TNNI3K: variants seen among roughly 807,000 people sequenced by gnomAD.
TNNI3K encodes TNNI3 interacting kinase.
A neutral mutation model predicts 114.5 loss-of-function variants in TNNI3K; 140 were observed. The ratio of observed to expected loss-of-function variants is 1.22; its 90% CI spans 1.07 to 1.41. The LOEUF (loss-of-function observed/expected upper bound fraction) is 1.41. Among genes scored for constraint, TNNI3K ranks in the 40% most tolerant of loss-of-function variants. TNNI3K has a pLI of 0.00. For missense variants in TNNI3K, 1,125 were observed against 1,007.6 expected, an observed-to-expected ratio of 1.12 and a Z score of -1.58; for synonymous variants, 347 against 347.5, an observed-to-expected ratio of 1.00 and a Z score of 0.02.
In TNNI3K at chr1:74,391,957, A is replaced by ATTTTTTTTTTTTTTTTTT. The variant is rs34656417; in HGVS notation, c.1772+21574_1772+21591dup. 3.7e-4 allele frequency among the ~76,000 whole-genome samples: 34 copies of ATTTTTTTTTTTTTTTTTT among 93,028 alleles called. 4 individuals are homozygous for ATTTTTTTTTTTTTTTTTT. Among genetic ancestry groups the ATTTTTTTTTTTTTTTTTT allele is most frequent in the African/African-American group, 7.8e-4 (20 of 25,688 alleles). The allele number at this position is 93,028 out of a possible 152,430, so 61.0% of individuals were successfully genotyped here. ...TTGATTTAGGATGGTACAGCTTATT[A>ATTTTTTTTTTTTTTTTTT]TTTTTTTTTTTTTTTTTTTTTTTTT... On this transcript the variant is annotated intron_variant, in intron 17 of 24. Coordinates refer to ENST00000326637, the MANE Select transcript of TNNI3K (RefSeq NM_015978.3).
chr1:74,339,359 A>C (rs1660639870), intron 7 of TNNI3K, among the ~76,000 whole-genome samples: 1 of 152,102 alleles, frequency 6.6e-6, no homozygotes, highest in South Asian at 2.1e-4. Context: ...TTGTACTTCA[A>C]CCAATTGCAA....
intron 5 of TNNI3K, among the ~76,000 whole-genome samples, chr1:74,284,111 T>A (rs1443672071): frequency 6.6e-6 from 1 of 152,148 alleles, no homozygotes. Flanking sequence ...TAGGAATACA[T>A]TGTAATAATA....
At chr1:74,330,190 G>A (rs1570473146) in intron 5 of TNNI3K, among the ~76,000 whole-genome samples, 1 of 152,002 alleles carries the variant, frequency 6.6e-6, no homozygotes, top group Non-Finnish European at 1.5e-5. Context: ...GGCTACTTTG[G>A]CGTATTGATT....
Position 74,369,433 on chromosome 1 carries a change from GT to G in TNNI3K, c.1519del (p.Cys507AlafsTer15). 6.2e-7 allele frequency: 1 copy of G among 1,612,196 alleles called. No homozygotes were observed. Among genetic ancestry groups the G allele is most frequent in the South Asian group, 1.1e-5 (1 of 90,920 alleles). On this transcript the variant is annotated frameshift_variant, in exon 16 of 25. Transcript: ENST00000326637. LOFTEE classifies it high-confidence loss of function. Reference sequence around the variant, plus strand: ...ACTGCTCCAAGTCAGATGTGGATATGTTTTGCCGAGAGGTGTCCATTCTCTG... The same window carrying G: ...ACTGCTCCAAGTCAGATGTGGATATGTTTGCCGAGAGGTGTCCATTCTCTG... ...TYCSKSDVDM[F>X]CREVSILCQL...
At chr1:74,256,604 TAAAAG>T (rs1655329259) in intron 4 of TNNI3K, among the ~76,000 whole-genome samples, 4 of 152,016 alleles carry the variant, frequency 2.6e-5, no homozygotes, top group African/African-American at 9.7e-5. Flanking sequence ...ATTTGAAGAG[TAAAAG>T]GTTTTTGCAT....
At chr1:74,279,011 T>C (rs985851002) in intron 5 of TNNI3K, among the ~76,000 whole-genome samples, 4 of 152,226 alleles carry the variant, frequency 2.6e-5, no homozygotes, top group Admixed American at 2.6e-4. Context: ...ATAGTGTAAA[T>C]GCAATTTCTT....
At chr1:74,451,691 C>CTTTTCTTTTCT (rs1553148035) in intron 20 of TNNI3K, among the ~76,000 whole-genome samples, 93 of 32,812 alleles carry the variant, frequency 2.8e-3, no homozygotes, top group South Asian at 5.4e-3. Flanking sequence ...TCTTTTCTTT[C>CTTTTCTTTTCT]TTTCTTTCTT....
intron 5 of TNNI3K, among the ~76,000 whole-genome samples, chr1:74,316,136 C>T (rs494008): frequency 0.99 from 150,949 of 152,320 alleles, 74,812 homozygotes; most frequent in Middle Eastern, 1. Flanking sequence ...TGAATAAAAT[C>T]GCATATAATT....
intron 23 of TNNI3K, among the ~76,000 whole-genome samples, chr1:74,493,772 T>C (rs961669619): frequency 7.2e-5 from 11 of 152,184 alleles, no homozygotes; most frequent in Admixed American, 5.2e-4. Context: ...AGACAAAGGC[T>C]AGTAACTCAA....
chr1:74,249,169 G>T (rs543076615), intron 2 of TNNI3K, among the ~76,000 whole-genome samples: 1 of 151,272 alleles, frequency 6.6e-6, no homozygotes, highest in African/African-American at 2.4e-5. Flanking sequence ...TTTAAAAAGT[G>T]CCACTAAATT....
chr1:74,444,382 C>A (rs1020441596), intron 20 of TNNI3K, among the ~76,000 whole-genome samples: 4 of 151,772 alleles, frequency 2.6e-5, no homozygotes, highest in African/African-American at 9.7e-5. Flanking sequence ...TCCTATACAC[C>A]AACAATAGAC....
chr1:74,284,178 C>T (rs779622635), intron 5 of TNNI3K, among the ~76,000 whole-genome samples: 14 of 152,160 alleles, frequency 9.2e-5, no homozygotes, highest in Non-Finnish European at 1.8e-4. Flanking sequence ...GGGCTACTTA[C>T]TTTTCTCAGG....
intron 5 of TNNI3K, among the ~76,000 whole-genome samples, chr1:74,330,956 C>G (rs747522866): frequency 5.9e-5 from 9 of 151,986 alleles, no homozygotes; most frequent in Non-Finnish European, 1.0e-4. Flanking sequence ...GAAAAATGTT[C>G]TAAATTATAT....
intron 17 of TNNI3K, among the ~76,000 whole-genome samples, chr1:74,385,658 T>A (rs1663434665): frequency 6.6e-6 from 1 of 152,228 alleles, no homozygotes; most frequent in Middle Eastern, 3.4e-3. Flanking sequence ...AATACAAACC[T>A]GTATCACACT....
intron 9 of TNNI3K, among the ~76,000 whole-genome samples, chr1:74,352,962 T>C (rs549141629): frequency 6.6e-6 from 1 of 152,220 alleles, no homozygotes; most frequent in East Asian, 1.9e-4. Flanking sequence ...CATGGTGCGC[T>C]TCACCCACTG....
At chr1:74,326,370 G>A (rs1236852581) in intron 5 of TNNI3K, among the ~76,000 whole-genome samples, 1 of 152,118 alleles carries the variant, frequency 6.6e-6, no homozygotes, top group Non-Finnish European at 1.5e-5. Flanking sequence ...AAGAGAGGGA[G>A]CTAAATGGAA....
chr1:74,490,599 T>A (rs1669019154), intron 22 of TNNI3K, among the ~76,000 whole-genome samples: 2 of 152,206 alleles, frequency 1.3e-5, no homozygotes. Flanking sequence ...CTGACAGAGT[T>A]TGCTGGACTG....
At chr1:74,332,956 CAAAAAAAAA>C (rs796977281) in intron 6 of TNNI3K, among the ~76,000 whole-genome samples, 1 of 92,700 alleles carries the variant, frequency 1.1e-5, no homozygotes, top group Non-Finnish European at 2.2e-5. Flanking sequence ...CTGAAAATAA[CAAAAAAAAA>C]AAAAAAAAAA....
intron 21 of TNNI3K, among the ~76,000 whole-genome samples, chr1:74,488,055 T>C (rs1668857141): frequency 6.6e-6 from 1 of 152,194 alleles, no homozygotes; most frequent in South Asian, 2.1e-4. Context: ...CAGGCTATTT[T>C]AATGATCATT....
Sources: allele counts gnomAD v4.1 joint callset (sites outside exome capture counted in the v4.1 genomes callset), GRCh38; gene constraint gnomAD v4.1.1; transcripts MANE v1.5; gene names NCBI Gene and HGNC (gene_info 2026-07-23, HGNC 2026-07-21).